The following DNAJC14 variants were observed in gnomAD, a reference collection of about 807,000 sequenced individuals.
The protein encoded by DNAJC14 is dnaJ homolog subfamily C member 14.
In DNAJC14, 12 loss-of-function variants were observed where a neutral mutation model predicts 68.8. That is an observed-to-expected ratio of 0.17 (90% confidence interval 0.11 to 0.28). DNAJC14 has a LOEUF of 0.28. DNAJC14 is among the 10% of genes least tolerant of loss of function. DNAJC14 has a pLI of 1.00. For missense variants in DNAJC14, 764 were observed against 875.6 expected (o/e 0.87, Z 1.61); for synonymous variants, 350 against 321.5 (o/e 1.09, Z -0.95).
At chr12:55,822,212 G>A in intron 6 of DNAJC14, 25 bp from the exon 7 acceptor site, 1 of 1,555,310 alleles carries the variant, frequency 6.4e-7, no homozygotes. Context: ...AAGAAATAAG[G>A]CAAGAGATGT....
intron 4 of DNAJC14, 47 bp from the exon 5 acceptor site, chr12:55,822,779 C>T: frequency 6.2e-7 from 1 of 1,603,820 alleles, no homozygotes; most frequent in Non-Finnish European, 8.5e-7. Context: ...TCAAGCCTAC[C>T]TAGGGCACTG....
chr12:55,829,602 T>C, upstream of DNAJC14: 1 of 985,392 alleles, frequency 1.0e-6, no homozygotes, highest in Non-Finnish European at 1.2e-6. Flanking sequence ...CCGCCTTCCG[T>C]CCCCGCGGCC....
rs770661000 is a variant in DNAJC14, at chr12:55,828,051, G to T, written c.608C>A (p.Thr203Lys). ...PSRRQRHRFP[T>K]KEDTREGGRR... ...TCCACCCTCCCGAGTATCCTCCTTC[G>T]TTGGAAAGCGGTGCCGCTGTCTCCG... Residue 203 changes from threonine (T) to lysine (K), a missense_variant, in exon 2 of 7, where the codon ACG becomes AAG. This residue lies in a region of DNAJC14 where 514 missense variants were observed against 521.7 expected (regional missense o/e 0.99). Transcript: ENST00000678005. 6.2e-7 allele frequency: 1 copy of T among 1,611,922 alleles called. No homozygotes were observed. The highest frequency in any genetic ancestry group is 8.5e-7 in the Non-Finnish European group (1 of 1,178,956).
intron 2 of DNAJC14, among the ~76,000 whole-genome samples, chr12:55,823,722 T>G (rs1880727503): frequency 6.9e-6 from 1 of 144,248 alleles, no homozygotes; most frequent in African/African-American, 2.7e-5. Context: ...TTTTTTTTTT[T>G]GAGATGAAGT....
intron 2 of DNAJC14, among the ~76,000 whole-genome samples, chr12:55,826,010 T>C (rs1880785301): frequency 6.6e-6 from 1 of 152,058 alleles, no homozygotes. Flanking sequence ...GACCCTCCCA[T>C]ACTAGGTCCA....
At position 55,829,540 on chromosome 12, in the gene DNAJC14, G is replaced by A. The variant is rs574157878; in HGVS notation, c.-108C>T. On this transcript the variant is annotated 5_prime_UTR_variant, in exon 1 of 7. Transcript: ENST00000678005. Reference sequence around the variant, plus strand: ...TCGAGCCGCCCGGCCTGGGGCCAGGGTGAGCTACGAGAGCCGCTCTCCCGG... The same window carrying A: ...TCGAGCCGCCCGGCCTGGGGCCAGGATGAGCTACGAGAGCCGCTCTCCCGG... 793 of 985,144 alleles carry A rather than the reference G, an allele frequency of 8.0e-4. No homozygotes were observed. The highest frequency in any genetic ancestry group is 1.2e-3 in the Admixed American group (20 of 16,282). The allele number at this position is 985,144 out of a possible 1,614,324, so 61.0% of individuals were successfully genotyped here. A position where few individuals can be genotyped will look rare whatever the true frequency, so the allele number is the denominator to read the frequency against.
Position 55,823,055 on chromosome 12 carries a change from CCTT to C in DNAJC14, c.1634+12_1634+14del, listed in dbSNP as rs747499664. On this transcript the variant is annotated intron_variant, in intron 4 of 6. Transcript: ENST00000678005. ...TGAGCTGTGATTGTCCCATCCCTCT[CCTT>C]CTATTTCATACCTATGCTTTCCTTG... is the stretch of plus-strand genomic sequence containing the variant. The C allele has an allele frequency of 3.1e-6, 5 of 1,613,150 alleles. No individual in the cohort carries two copies. Among genetic ancestry groups the C allele is most frequent in the African/African-American group, 1.3e-5 (1 of 74,886 alleles).
At chr12:55,823,566 T>G in intron 2 of DNAJC14, 58 bp from the exon 3 acceptor site, 1 of 1,446,206 alleles carries the variant, frequency 6.9e-7, no homozygotes, top group Non-Finnish European at 9.7e-7. Flanking sequence ...TCACCTTGAA[T>G]TTATTCTCAT....
intron 4 of DNAJC14, 151 bp from the exon 5 acceptor site, chr12:55,822,883 T>TA (rs1880706536): frequency 1.4e-6 from 2 of 1,393,138 alleles, no homozygotes; most frequent in Non-Finnish European, 1.9e-6. Context: ...ATCCTAAAGC[T>TA]AATGTTTCTT....
Position 55,821,923 on chromosome 12 carries a change from T to C in DNAJC14, c.*54A>G, listed in dbSNP as rs1450176351. 1.3e-6 allele frequency: 2 copies of C among 1,529,432 alleles called. No homozygotes were observed. Among genetic ancestry groups the C allele is most frequent in the Admixed American group, 2.1e-5 (1 of 48,480 alleles). The allele number at this position is 1,529,432 out of a possible 1,614,324, so 94.7% of individuals were successfully genotyped here. On this transcript the variant is annotated 3_prime_UTR_variant, in exon 7 of 7. Coordinates refer to ENST00000678005, the MANE Select transcript of DNAJC14 (RefSeq NM_032364.6). ...AGGAGGGATAAATCAAACTCCATCC[T>C]GTGCTACAGCCCTTTTGACTCCCTG...
chr12:55,827,772 C>G lies in DNAJC14; in HGVS notation c.887G>C (p.Gly296Ala). 6.2e-7 allele frequency: 1 copy of G among 1,614,018 alleles called. No homozygotes were observed. Among genetic ancestry groups the G allele is most frequent in the Admixed American group, 1.7e-5 (1 of 60,004 alleles). The change falls in exon 2 of 7, where the codon GGG (glycine) becomes GCG (alanine). Residue 296 changes from glycine (G) to alanine (A), a missense_variant. Gly to Ala is a moderately conservative substitution (Grantham distance 60). This residue lies in a region of DNAJC14 where 514 missense variants were observed against 521.7 expected (regional missense o/e 0.99). Coordinates refer to ENST00000678005, the MANE Select transcript of DNAJC14 (RefSeq NM_032364.6). ...GACCTGGGCCCAGCCCCCTAACCGC[C>G]CTGTCCACACTCCCATCCAAACTCG... ...LFRVWMGVWT[G>A]RLGGWAQVMF...
upstream of DNAJC14, chr12:55,829,685 G>A: frequency 7.9e-6 from 7 of 884,694 alleles, no homozygotes; most frequent in Non-Finnish European, 9.5e-6. Context: ...AATAGCGGTT[G>A]GCTGAGAGGC....
chr12:55,827,007 G>A (rs952533252), intron 2 of DNAJC14, among the ~76,000 whole-genome samples: 4 of 151,598 alleles, frequency 2.6e-5, no homozygotes, highest in Admixed American at 2.6e-4. Flanking sequence ...GACCAACATG[G>A]TGAAACCCCA....
At chr12:55,829,692 A>G, upstream of DNAJC14, 1 of 831,096 alleles carries the variant, frequency 1.2e-6, no homozygotes, top group Non-Finnish European at 1.5e-6. Context: ...GTTGGCTGAG[A>G]GGCAAGCCAA....
rs374549407 is a variant in DNAJC14 at position 55,823,103 on chromosome 12, G to T, written c.1601C>A (p.Thr534Asn). 1 of 1,614,014 alleles carries T rather than the reference G, an allele frequency of 6.2e-7. No homozygotes were observed. The highest frequency in any genetic ancestry group is 1.3e-5 in the African/African-American group (1 of 74,910). The stretch of plus-strand genomic sequence containing the variant: ...TCCTTGGCATCGGCTACACATCATA[G>T]TATTCATTGCCTCCTTGAGGTCATC... ...LQDDLKEAMN[T>N]MMCSRCQGKH... The change falls in exon 4 of 7, where the codon ACT (threonine) becomes AAT (asparagine). Residue 534 changes from threonine (T) to asparagine (N), a missense_variant. Thr to Asn is a moderately conservative substitution (Grantham distance 65). Coordinates refer to ENST00000678005, the MANE Select transcript of DNAJC14 (RefSeq NM_032364.6).
Position 55,821,890 on chromosome 12 carries a change from G to A in DNAJC14, c.*87C>T. The A allele has an allele frequency of 2.2e-6, 3 of 1,354,982 alleles. No individual in the cohort carries two copies. The highest frequency in any genetic ancestry group is 3.0e-6 in the Non-Finnish European group (3 of 993,484). 83.9% of individuals were successfully genotyped at this position (1,354,982 alleles called of 1,614,324 possible). On this transcript the variant is annotated 3_prime_UTR_variant, in exon 7 of 7. Transcript: ENST00000678005. ...AAAGAAAAAGATTCAGTTCCTAGGT[G>A]TTGGGGGAGGAGGGATAAATCAAAC... is the stretch of plus-strand genomic sequence containing the variant.
Position 55,827,861 on chromosome 12 carries a change from T to C in DNAJC14, c.798A>G (p.Val266=). 2 of 1,613,628 alleles carry C rather than the reference T, an allele frequency of 1.2e-6. No individual in the cohort carries two copies. Among genetic ancestry groups the C allele is most frequent in the Non-Finnish European group, 1.7e-6 (2 of 1,179,688 alleles). Residue 266 remains valine (V), a synonymous_variant, in exon 2 of 7, where the codon GTA becomes GTG. Coordinates refer to ENST00000678005, the MANE Select transcript of DNAJC14 (RefSeq NM_032364.6). ...CATAGATGAGATGGCCACAAGTTTC[T>C]ACGTACTCTCCCACCAATACCAGCA... ...IELLVLVGEY[V]ETCGHLIYAC...
rs146428547 is a variant in DNAJC14, at chr12:55,828,568, G to C, written c.91C>G (p.Pro31Ala). ...SLRTLGPSVD[P>A]EIPSFSGLRD... ...AGTCCTGAGAATGAAGGTATTTCAG[G>C]GTCCACGGAGGGTCCTAAAGTCCTG... The change falls in exon 2 of 7, where the codon CCT (proline) becomes GCT (alanine). Residue 31 changes from proline (P) to alanine (A), a missense_variant. Pro to Ala is a conservative substitution (Grantham distance 27). Coordinates refer to ENST00000678005, the MANE Select transcript of DNAJC14 (RefSeq NM_032364.6). 32 of 1,614,106 alleles carry C rather than the reference G, an allele frequency of 2.0e-5. No individual in the cohort carries two copies. In the African/African-American group the frequency reaches 4.3e-4, roughly 22 times the overall value.
In DNAJC14 at chr12:55,829,563, C is replaced by T. The variant is rs980160604; in HGVS notation, c.-131G>A. ...GGGTGAGCTACGAGAGCCGCTCTCC[C>T]GGCTCCGCCTCCCGCTCACGCTCTG... On this transcript the variant is annotated 5_prime_UTR_variant, in exon 1 of 7. Transcript: ENST00000678005. 19 of 985,378 alleles carry T rather than the reference C, an allele frequency of 1.9e-5. No individual in the cohort carries two copies. Among genetic ancestry groups the T allele is most frequent in the African/African-American group, 1.2e-4 (7 of 57,238 alleles). The allele number at this position is 985,378 out of a possible 1,614,324, so 61.0% of individuals were successfully genotyped here.
Sources: allele counts gnomAD v4.1 joint callset (sites outside exome capture counted in the v4.1 genomes callset), GRCh38; gene constraint gnomAD v4.1.1; regional missense constraint gnomAD v4.1.1; transcripts MANE v1.5; gene names NCBI Gene and HGNC (gene_info 2026-07-23, HGNC 2026-07-21).